Variants in EDIL3 observed in about 807,000 individuals in gnomAD.
EDIL3 encodes the protein EGF-like repeat and discoidin I-like domain-containing protein 3.
EDIL3 carries 37 observed loss-of-function variants against 67.4 expected under a neutral mutation model. That is an observed-to-expected ratio of 0.55 (90% CI 0.42 to 0.72). EDIL3 has a LOEUF of 0.72. EDIL3 is among the 30% of genes least tolerant of loss of function. EDIL3 has a pLI of 0.00. For missense variants in EDIL3, 527 were observed against 586.3 expected (o/e 0.90, Z 1.04); for synonymous variants, 195 against 196.3 (o/e 0.99, Z 0.05).
At chr5:84,034,910 C>T (rs1206424036) in intron 9 of EDIL3, among the ~76,000 whole-genome samples, 3 of 152,030 alleles carry the variant, frequency 2.0e-5, no homozygotes, top group Non-Finnish European at 4.4e-5. Flanking sequence ...CGGTATAAAT[C>T]CTGTAGGCCT....
At chr5:84,239,345 G>A (rs1014800863) in intron 2 of EDIL3, among the ~76,000 whole-genome samples, 4 of 152,074 alleles carry the variant, frequency 2.6e-5, no homozygotes, top group African/African-American at 9.7e-5. Flanking sequence ...AAATACAATG[G>A]TGTTATTACC....
chr5:84,072,135 A>C (rs1662098724), intron 6 of EDIL3, among the ~76,000 whole-genome samples: 1 of 152,174 alleles, frequency 6.6e-6, no homozygotes, highest in African/African-American at 2.4e-5. Flanking sequence ...AGATTTAAAA[A>C]TGTTATTAAT....
At chr5:83,949,390 T>C (rs1195885513) in intron 10 of EDIL3, among the ~76,000 whole-genome samples, 1 of 151,878 alleles carries the variant, frequency 6.6e-6, no homozygotes, top group Non-Finnish European at 1.5e-5. Flanking sequence ...AAGACAATGA[T>C]AAAGTTACAT....
intron 5 of EDIL3, among the ~76,000 whole-genome samples, chr5:84,132,522 T>C (rs1035099972): frequency 1.7e-3 from 51 of 30,094 alleles, no homozygotes; most frequent in South Asian, 3.2e-3. Context: ...TATATTTTAA[T>C]ATATATTATA....
At chr5:84,287,271 T>TC (rs1205519365) in intron 1 of EDIL3, among the ~76,000 whole-genome samples, 1 of 152,204 alleles carries the variant, frequency 6.6e-6, no homozygotes, top group Non-Finnish European at 1.5e-5. Flanking sequence ...GAATGAGAGC[T>TC]TATTTTTGGA....
At chr5:84,240,293 G>A (rs528174605) in intron 2 of EDIL3, among the ~76,000 whole-genome samples, 15 of 152,230 alleles carry the variant, frequency 9.9e-5, no homozygotes, top group Admixed American at 8.5e-4. Flanking sequence ...AGAGCTTTGT[G>A]TTCTTTTGTT....
intron 9 of EDIL3, among the ~76,000 whole-genome samples, chr5:84,017,933 C>T (rs188387748): frequency 2.0e-5 from 3 of 152,210 alleles, no homozygotes; most frequent in African/African-American, 7.2e-5. Flanking sequence ...GGAAAGGTTC[C>T]CTAATAAATC....
chr5:84,185,638 G>A (rs1743408254), intron 3 of EDIL3, among the ~76,000 whole-genome samples: 1 of 151,974 alleles, frequency 6.6e-6, no homozygotes, highest in Non-Finnish European at 1.5e-5. Flanking sequence ...TTTTCTTTTG[G>A]ATTTTCACTC....
intron 5 of EDIL3, among the ~76,000 whole-genome samples, chr5:84,123,606 C>A (rs1747815535): frequency 6.6e-6 from 1 of 151,892 alleles, no homozygotes; most frequent in African/African-American, 2.4e-5. Context: ...TTTTAACTCC[C>A]ATTTCTCAAA....
intron 10 of EDIL3, among the ~76,000 whole-genome samples, chr5:83,951,375 C>G (rs1744419040): frequency 6.6e-6 from 1 of 151,740 alleles, no homozygotes; most frequent in African/African-American, 2.4e-5. Flanking sequence ...GGCTTTGCTT[C>G]ATGTTCCTCA....
intron 3 of EDIL3, among the ~76,000 whole-genome samples, chr5:84,189,424 C>A (rs1003368181): frequency 1.3e-5 from 2 of 151,916 alleles, no homozygotes; most frequent in East Asian, 1.9e-4. Flanking sequence ...TATATTAATT[C>A]CACAATGACA....
chr5:84,319,494 C>CAAAAAAAAAAAAAAAAAAAA (rs55738450), intron 1 of EDIL3, among the ~76,000 whole-genome samples: 16 of 42,834 alleles, frequency 3.7e-4, no homozygotes, highest in Non-Finnish European at 4.7e-4. Flanking sequence ...CAAAAAACAA[C>CAAAAAAAAAAAAAAAAAAAA]AAAAAAAAAA....
At chr5:84,275,474 T>C (rs1026800078) in intron 1 of EDIL3, among the ~76,000 whole-genome samples, 1 of 152,240 alleles carries the variant, frequency 6.6e-6, no homozygotes, top group African/African-American at 2.4e-5. Flanking sequence ...GAGGTAGCTA[T>C]ATAAAATGTA....
Position 84,180,385 on chromosome 5 carries a change from T to A in EDIL3, c.355+8A>T, listed in dbSNP as rs558345674. Reference sequence around the variant, plus strand: ...ATAATAAAAGTACAATGACTATGAATAACTTACTGTGCTGACAGTGAATCC... The same window carrying A: ...ATAATAAAAGTACAATGACTATGAAAAACTTACTGTGCTGACAGTGAATCC... On this transcript the variant is annotated splice_region_variant and intron_variant, in intron 4 of 10. Transcript: ENST00000296591. The A allele has an allele frequency of 6.3e-7, 1 of 1,579,998 alleles. No individual in the cohort carries two copies. The highest frequency in any genetic ancestry group is 8.6e-7 in the Non-Finnish European group (1 of 1,166,488).
Position 83,943,580 on chromosome 5 carries a change from G to A in EDIL3, c.1294-12C>T. On this transcript the variant is annotated splice_polypyrimidine_tract_variant and intron_variant, in intron 10 of 10. Coordinates refer to ENST00000296591, the MANE Select transcript of EDIL3 (RefSeq NM_005711.5). ...TTTCCCTGGAAAACCTAATAAAGAAGAGCAGAAAAATGTCAGTCACACAGC... is the reference window on the plus strand; with the variant it reads ...TTTCCCTGGAAAACCTAATAAAGAAAAGCAGAAAAATGTCAGTCACACAGC... 3 of 1,610,750 alleles carry A rather than the reference G, an allele frequency of 1.9e-6. No homozygotes were observed. Among genetic ancestry groups the A allele is most frequent in the Non-Finnish European group, 1.7e-6 (2 of 1,178,166 alleles).
At chr5:84,019,906 C>T (rs1027448419) in intron 9 of EDIL3, among the ~76,000 whole-genome samples, 2 of 151,890 alleles carry the variant, frequency 1.3e-5, no homozygotes, top group Non-Finnish European at 2.9e-5. Context: ...TAAAACTGTC[C>T]TGAGAGGTCC....
chr5:84,299,597 T>C (rs1375535452), intron 1 of EDIL3, among the ~76,000 whole-genome samples: 2 of 152,222 alleles, frequency 1.3e-5, no homozygotes, highest in African/African-American at 4.8e-5. Context: ...CATAAACTTA[T>C]ATTCAATTGT....
intron 1 of EDIL3, among the ~76,000 whole-genome samples, chr5:84,366,850 G>A (rs750279986): frequency 6.6e-5 from 10 of 152,258 alleles, no homozygotes; most frequent in South Asian, 2.1e-4. Flanking sequence ...AATTCTATCC[G>A]TCTGGCATTT....
intron 4 of EDIL3, among the ~76,000 whole-genome samples, chr5:84,163,394 G>A (rs147897172): frequency 3.3e-5 from 5 of 152,068 alleles, no homozygotes; most frequent in East Asian, 1.9e-4. Context: ...ACTGAAATAC[G>A]TTATATTCCT....
Sources: allele counts gnomAD v4.1 joint callset (sites outside exome capture counted in the v4.1 genomes callset), GRCh38; gene constraint gnomAD v4.1.1; transcripts MANE v1.5; gene names NCBI Gene and HGNC (gene_info 2026-07-23, HGNC 2026-07-21).